Variants in EFCAB6 observed in about 807,000 individuals in gnomAD.
EFCAB6 encodes the protein EF-hand calcium-binding domain-containing protein 6.
Under a neutral mutation model 169.8 loss-of-function variants are expected in EFCAB6, and 156 were observed. The observed-to-expected ratio is 0.92, with a 90% CI of 0.81 to 1.05. The LOEUF (loss-of-function observed/expected upper bound fraction) is 1.05, where lower values mean the gene tolerates loss of function less well. Ranked by LOEUF, EFCAB6 falls within the 50% of genes least tolerant of loss-of-function variation. The pLI, the probability that EFCAB6 is intolerant of heterozygous loss-of-function variation, is 0.00. For synonymous variants in EFCAB6, 698 were observed against 676.4 expected (o/e 1.03, Z -0.50); for missense variants, 1,800 against 1,829.1 (o/e 0.98, Z 0.29).
At chr22:43,658,935 A>G (rs2056877375) in intron 17 of EFCAB6, among the ~76,000 whole-genome samples, 1 of 152,188 alleles carries the variant, frequency 6.6e-6, no homozygotes, top group Non-Finnish European at 1.5e-5. Flanking sequence ...TGAGGCTGCC[A>G]CCGGTTTCTC....
chr22:43,693,613 C>T (rs985454525), intron 10 of EFCAB6, among the ~76,000 whole-genome samples: 10 of 150,054 alleles, frequency 6.7e-5, no homozygotes, highest in African/African-American at 2.2e-4. Flanking sequence ...TTAATAATAA[C>T]GTATCAATAT....
At position 43,568,677 on chromosome 22, in the gene EFCAB6, A is replaced by G. The variant is rs188723010; in HGVS notation, c.3420+7620T>C. Among the ~76,000 whole-genome samples, 3 of 152,238 alleles carry G rather than the reference A, an allele frequency of 2.0e-5. No homozygotes were observed. The East Asian group carries it at 5.8e-4, about 30-fold the overall frequency. ...GGAGGTGAGCAGTGTCCCCCGCACC[A>G]TGCATTTCCATGGGGCCTGGCTGAG... On this transcript the variant is annotated intron_variant, in intron 26 of 31. Transcript: ENST00000262726.
At chr22:43,754,901 A>T in intron 6 of EFCAB6, among the ~76,000 whole-genome samples, 1 of 152,234 alleles carries the variant, frequency 6.6e-6, no homozygotes, top group Admixed American at 6.5e-5. Flanking sequence ...AAAGCAGCAG[A>T]CAATTATACC....
At chr22:43,750,260 T>C (rs1222781402) in intron 6 of EFCAB6, among the ~76,000 whole-genome samples, 3 of 152,232 alleles carry the variant, frequency 2.0e-5, no homozygotes, top group Admixed American at 1.3e-4. Flanking sequence ...ATTCTCAATA[T>C]AATTTTTTAA....
chr22:43,627,034 G>A (rs538963179), intron 19 of EFCAB6, among the ~76,000 whole-genome samples: 11 of 152,250 alleles, frequency 7.2e-5, no homozygotes, highest in Non-Finnish European at 1.2e-4. Context: ...GTTTCTGCTC[G>A]CAATTTTTTA....
At position 43,540,349 on chromosome 22, in the gene EFCAB6, T is replaced by G. The variant is rs146764549; in HGVS notation, c.3657A>C (p.Arg1219Ser). Residue 1219 changes from arginine (R) to serine (S), a missense_variant, in exon 28 of 32, where the codon AGA (arginine) becomes AGC (serine). By Grantham distance (110) the Arg-to-Ser change is moderately radical. Transcript: ENST00000262726. ...CATTGACTGGCATCTCGTTCCAGAGTCTGTCAAACTGGAGAAGGAGCAGAA... is the reference window on the plus strand; with the variant it reads ...CATTGACTGGCATCTCGTTCCAGAGGCTGTCAAACTGGAGAAGGAGCAGAA... ...VQILTDEQFD[R>S]LWNEMPVNAK... is the part of the protein sequence containing the mutation. 532 of 1,613,862 alleles carry G rather than the reference T, an allele frequency of 3.3e-4. No individual in the cohort carries two copies. The highest frequency in any genetic ancestry group is 4.2e-4 in the Non-Finnish European group (493 of 1,180,004).
intron 10 of EFCAB6, among the ~76,000 whole-genome samples, chr22:43,707,718 TC>T (rs898367142): frequency 1.3e-5 from 2 of 152,008 alleles, no homozygotes; most frequent in Non-Finnish European, 2.9e-5. Flanking sequence ...AACTAAACAC[TC>T]ACAGGACCTT....
chr22:43,798,709 T>C (rs1359084687), intron 2 of EFCAB6, among the ~76,000 whole-genome samples: 1 of 152,196 alleles, frequency 6.6e-6, no homozygotes, highest in Non-Finnish European at 1.5e-5. Context: ...GTATTCAGAA[T>C]GAACGCATGA....
Position 43,645,067 on chromosome 22 carries a change from A to G in EFCAB6, c.1984-9851T>C, listed in dbSNP as rs537880629. ...TAGATTGAATGGAAAAGCACTTGCCATCTCTGTCTAGGGGTCACAAATTGA... is the reference window on the plus strand; with the variant it reads ...TAGATTGAATGGAAAAGCACTTGCCGTCTCTGTCTAGGGGTCACAAATTGA... On this transcript the variant is annotated intron_variant, in intron 17 of 31. Coordinates refer to ENST00000262726, the MANE Select transcript of EFCAB6 (RefSeq NM_022785.4). Among the ~76,000 whole-genome samples, 5 of 152,314 alleles carry G rather than the reference A, an allele frequency of 3.3e-5. No homozygotes were observed. In the South Asian group the frequency reaches 1.0e-3, roughly 32 times the overall value.
At chr22:43,626,377 G>A (rs1182365827) in intron 20 of EFCAB6, 70 bp downstream of exon 20, 3 of 1,454,962 alleles carry the variant, frequency 2.1e-6, no homozygotes, top group Non-Finnish European at 2.8e-6. Context: ...CGGACGCCAT[G>A]GAAATGCTGG....
Position 43,636,360 on chromosome 22 carries a change from G to A in EFCAB6, c.1984-1144C>T, listed in dbSNP as rs558457553. 7.9e-5 allele frequency among the ~76,000 whole-genome samples: 12 copies of A among 152,270 alleles called. No individual in the cohort carries two copies. The East Asian group carries it at 2.1e-3, about 27-fold the overall frequency. ...GGGAACGGAGGGACCAGGTAAGGCC[G>A]TGCTGCAGTGTCGCCCTCATCATGG... On this transcript the variant is annotated intron_variant, in intron 17 of 31. Coordinates refer to ENST00000262726, the MANE Select transcript of EFCAB6 (RefSeq NM_022785.4).
At chr22:43,799,789 G>C (rs1055280906) in intron 2 of EFCAB6, among the ~76,000 whole-genome samples, 4 of 152,016 alleles carry the variant, frequency 2.6e-5, no homozygotes, top group African/African-American at 9.7e-5. Flanking sequence ...CAGATCTTGG[G>C]GCCACAGCTA....
chr22:43,585,320 A>T (rs950727283), intron 24 of EFCAB6, among the ~76,000 whole-genome samples: 2 of 152,132 alleles, frequency 1.3e-5, no homozygotes, highest in Non-Finnish European at 2.9e-5. Flanking sequence ...ACTGCAACAG[A>T]AATGAAGAAT....
At chr22:43,793,151 T>C (rs2062370393) in intron 2 of EFCAB6, among the ~76,000 whole-genome samples, 1 of 152,138 alleles carries the variant, frequency 6.6e-6, no homozygotes, top group African/African-American at 2.4e-5. Context: ...ACAAAGTGAT[T>C]CAATTCAAGA....
At chr22:43,576,577 G>T in intron 25 of EFCAB6, 89 bp from the exon 26 acceptor site, 2 of 1,133,090 alleles carry the variant, frequency 1.8e-6, no homozygotes. Flanking sequence ...TCTGCTGAAT[G>T]CAAATGAAGC....
intron 18 of EFCAB6, among the ~76,000 whole-genome samples, chr22:43,633,126 G>A (rs1014175743): frequency 8.5e-5 from 13 of 152,146 alleles, no homozygotes; most frequent in Admixed American, 2.6e-4. Flanking sequence ...TCCCCGGCTC[G>A]CCTGGGAGGT....
chr22:43,530,544 C>T (rs2046995145), intron 31 of EFCAB6: 1 of 985,294 alleles, frequency 1.0e-6, no homozygotes, highest in South Asian at 4.7e-5. Context: ...GGAACCTGGG[C>T]TCAGGCACTG....
chr22:43,690,782 A>G (rs1409521731), intron 10 of EFCAB6, among the ~76,000 whole-genome samples: 1 of 151,460 alleles, frequency 6.6e-6, no homozygotes, highest in African/African-American at 2.4e-5. Flanking sequence ...TCCTTTGCCA[A>G]CTGCCATGTC....
chr22:43,657,257 T>G (rs1253730281), intron 17 of EFCAB6, among the ~76,000 whole-genome samples: 1 of 152,142 alleles, frequency 6.6e-6, no homozygotes, highest in Non-Finnish European at 1.5e-5. Flanking sequence ...ATGGCACCCC[T>G]GCCCTCCAGT....
Sources: allele counts gnomAD v4.1 joint callset (sites outside exome capture counted in the v4.1 genomes callset), GRCh38; gene constraint gnomAD v4.1.1; transcripts MANE v1.5; gene names NCBI Gene and HGNC (gene_info 2026-07-23, HGNC 2026-07-21).